The following AGBL4 variants were observed in gnomAD, a reference collection of about 807,000 sequenced individuals.
AGBL4 encodes AGBL carboxypeptidase 4.
AGBL4 carries 58 observed loss-of-function variants against 66.4 expected under a neutral mutation model. That is an observed-to-expected ratio of 0.87 (90% CI 0.71 to 1.09). The LOEUF (loss-of-function observed/expected upper bound fraction) is 1.09, where lower values mean the gene tolerates loss of function less well. Among genes scored for constraint, AGBL4 ranks in the 50% least tolerant of loss-of-function variants. The probability of loss-of-function intolerance (pLI) is 0.00; values close to 1 mark genes in which losing one functional copy is unlikely to be tolerated. For synonymous variants in AGBL4, 234 were observed against 222.9 expected, an observed-to-expected ratio of 1.05 and a Z score of -0.44; for missense variants, 579 against 631.0, an observed-to-expected ratio of 0.92 and a Z score of 0.88.
At chr1:49,564,519 T>G (rs1003440421) in intron 3 of AGBL4, among the ~76,000 whole-genome samples, 2 of 152,054 alleles carry the variant, frequency 1.3e-5, no homozygotes, top group Non-Finnish European at 2.9e-5. Context: ...TTTCTTCTCG[T>G]TGGTTTCAAA....
intron 9 of AGBL4, among the ~76,000 whole-genome samples, chr1:48,598,070 G>C (rs1645022251): frequency 6.6e-6 from 1 of 152,234 alleles, no homozygotes; most frequent in Non-Finnish European, 1.5e-5. Context: ...CCAGTAGCCA[G>C]ATTGTGACAA....
At chr1:49,675,261 G>A (rs77675158) in intron 3 of AGBL4, among the ~76,000 whole-genome samples, 153 of 152,102 alleles carry the variant, frequency 1.0e-3, no homozygotes, top group African/African-American at 3.6e-3. Context: ...TCTTTCATGG[G>A]CCCCTTGCCA....
At chr1:48,753,028 G>T (rs977051272) in intron 6 of AGBL4, among the ~76,000 whole-genome samples, 1 of 152,206 alleles carries the variant, frequency 6.6e-6, no homozygotes, top group Non-Finnish European at 1.5e-5. Flanking sequence ...GATTACAGGC[G>T]TGAGCCACTG....
At chr1:48,933,484 A>G (rs1419553723) in intron 5 of AGBL4, among the ~76,000 whole-genome samples, 1 of 152,150 alleles carries the variant, frequency 6.6e-6, no homozygotes, top group African/African-American at 2.4e-5. Context: ...TATTCATCAG[A>G]CATGATGGCT....
intron 4 of AGBL4, among the ~76,000 whole-genome samples, chr1:49,118,960 T>TCC (rs1326650614): frequency 5.3e-5 from 8 of 152,216 alleles, no homozygotes; most frequent in Non-Finnish European, 1.0e-4. Context: ...ATCCATTTCT[T>TCC]CTAGATTTTC....
chr1:49,961,597 T>C (rs1459691635), intron 1 of AGBL4, among the ~76,000 whole-genome samples: 1 of 152,170 alleles, frequency 6.6e-6, no homozygotes, highest in East Asian at 1.9e-4. Context: ...ACTATGACTG[T>C]TATTTCTACC....
chr1:49,757,388 T>A (rs1277954769), intron 2 of AGBL4, among the ~76,000 whole-genome samples: 1 of 152,176 alleles, frequency 6.6e-6, no homozygotes, highest in Non-Finnish European at 1.5e-5. Context: ...GAAATGTGCA[T>A]GTGACTTTAG....
intron 6 of AGBL4, among the ~76,000 whole-genome samples, chr1:48,764,338 A>G (rs2148670380): frequency 6.6e-6 from 1 of 152,342 alleles, no homozygotes; most frequent in Non-Finnish European, 1.5e-5. Context: ...ACGTTGCAGA[A>G]CTGTGAAGAT....
At chr1:49,218,756 G>T (rs914830242) in intron 4 of AGBL4, among the ~76,000 whole-genome samples, 1 of 152,058 alleles carries the variant, frequency 6.6e-6, no homozygotes, top group African/African-American at 2.4e-5. Context: ...ATCTTGAATT[G>T]TAGCTCCCAT....
At chr1:49,502,565 A>G (rs1648266029) in intron 3 of AGBL4, among the ~76,000 whole-genome samples, 1 of 152,116 alleles carries the variant, frequency 6.6e-6, no homozygotes, top group Non-Finnish European at 1.5e-5. Context: ...AGGGCTAAGA[A>G]GAAAAAATGA....
intron 5 of AGBL4, among the ~76,000 whole-genome samples, chr1:48,997,279 A>T (rs952221828): frequency 6.6e-6 from 1 of 152,136 alleles, no homozygotes; most frequent in African/African-American, 2.4e-5. Flanking sequence ...GTAAGATCAA[A>T]TGGGGTCTAA....
At chr1:49,773,171 T>C (rs1172006312) in intron 2 of AGBL4, among the ~76,000 whole-genome samples, 1 of 152,206 alleles carries the variant, frequency 6.6e-6, no homozygotes, top group Non-Finnish European at 1.5e-5. Context: ...TAAGCTCTCA[T>C]ATTTGTTTGG....
At chr1:49,587,723 A>T (rs1181181300) in intron 3 of AGBL4, among the ~76,000 whole-genome samples, 1 of 152,110 alleles carries the variant, frequency 6.6e-6, no homozygotes, top group Non-Finnish European at 1.5e-5. Context: ...TAGCACAAAC[A>T]TTACATTTTA....
chr1:48,673,594 T>C (rs1410877684), intron 6 of AGBL4, among the ~76,000 whole-genome samples: 1 of 152,192 alleles, frequency 6.6e-6, no homozygotes, highest in Non-Finnish European at 1.5e-5. Flanking sequence ...TTTTTTTCTC[T>C]CTCTCAACAT....
intron 1 of AGBL4, among the ~76,000 whole-genome samples, chr1:49,878,083 A>T (rs1647079260): frequency 6.7e-6 from 1 of 149,518 alleles, no homozygotes; most frequent in African/African-American, 2.5e-5. Context: ...GCGGTCTATC[A>T]ATTTTGTTGA....
intron 2 of AGBL4, among the ~76,000 whole-genome samples, chr1:49,831,445 T>C (rs1645675236): frequency 6.6e-6 from 1 of 152,214 alleles, no homozygotes; most frequent in South Asian, 2.1e-4. Context: ...TTGTGATTTT[T>C]GCATATTGAT....
intron 3 of AGBL4, among the ~76,000 whole-genome samples, chr1:49,458,420 G>A (rs1646437475): frequency 6.6e-6 from 1 of 151,686 alleles, no homozygotes; most frequent in South Asian, 2.1e-4. Context: ...AAACTTTACT[G>A]AATTCATTTA....
intron 2 of AGBL4, chr1:49,846,142 C>T: frequency 6.8e-7 from 1 of 1,463,356 alleles, no homozygotes; most frequent in South Asian, 1.1e-5. Flanking sequence ...GGATTCATAC[C>T]AAGGAAAAGC....
At chr1:49,355,925 A>G (rs1217335643) in intron 3 of AGBL4, among the ~76,000 whole-genome samples, 1 of 152,180 alleles carries the variant, frequency 6.6e-6, no homozygotes, top group African/African-American at 2.4e-5. Flanking sequence ...CTGCCCAGAA[A>G]GTTCAACCGG....
Sources: allele counts gnomAD v4.1 joint callset (sites outside exome capture counted in the v4.1 genomes callset), GRCh38; gene constraint gnomAD v4.1.1; transcripts MANE v1.5; gene names NCBI Gene and HGNC (gene_info 2026-07-23, HGNC 2026-07-21).